The following CNTNAP3 variants were observed in gnomAD, a reference collection of about 807,000 sequenced individuals.
CNTNAP3 encodes contactin associated protein family member 3.
In CNTNAP3, 36 loss-of-function variants were observed where a neutral mutation model predicts 92.1. That is an observed-to-expected ratio of 0.39 (90% CI 0.30 to 0.52). The LOEUF (loss-of-function observed/expected upper bound fraction) is 0.52, where lower values mean the gene tolerates loss of function less well. Among genes scored for constraint, CNTNAP3 ranks in the 20% least tolerant of loss-of-function variants. The pLI is 0.76. For missense variants in CNTNAP3, 534 were observed against 1,069.6 expected (o/e 0.50, Z 6.98); for synonymous variants, 232 against 422.3 (o/e 0.55, Z 5.53).
chr9:39,079,464 T>C (rs1253464999), intron 21 of CNTNAP3, among the ~76,000 whole-genome samples: 1 of 151,552 alleles, frequency 6.6e-6, no homozygotes, highest in Admixed American at 6.6e-5. Context: ...CAATCTTAAA[T>C]TCAATCTTAT....
intron 18 of CNTNAP3, among the ~76,000 whole-genome samples, chr9:39,098,587 C>T (rs1826379437): frequency 6.6e-6 from 1 of 152,130 alleles, no homozygotes; most frequent in Admixed American, 6.5e-5. Flanking sequence ...ATTTAGAAAT[C>T]AGCACTTGTG....
At chr9:39,179,348 C>T (rs1053448815) in intron 4 of CNTNAP3, among the ~76,000 whole-genome samples, 2 of 120,402 alleles carry the variant, frequency 1.7e-5, no homozygotes, top group Non-Finnish European at 3.4e-5. Context: ...CACAGGCACA[C>T]AGACATCCTA....
At chr9:39,108,845 A>ATT (rs1826670358) in intron 15 of CNTNAP3, among the ~76,000 whole-genome samples, 2 of 152,360 alleles carry the variant, frequency 1.3e-5, no homozygotes, top group African/African-American at 4.8e-5. Flanking sequence ...CAATGAATAA[A>ATT]TATCCCTTAG....
rs1335307238 is a variant in CNTNAP3 at position 39,069,648 on chromosome 9, C to A, written c.*4242G>T. ...GTAGTGCTTCAGTACATTTTCCCGA[C>A]GATATGATTAATCCATAATAAATTC... On this transcript the variant is annotated 3_prime_UTR_variant, in exon 24 of 24. Transcript: ENST00000297668. Among the ~76,000 whole-genome samples the A allele has an allele frequency of 6.6e-6, 1 of 152,358 alleles. No individual in the cohort carries two copies. Among genetic ancestry groups the A allele is most frequent in the Non-Finnish European group, 1.5e-5 (1 of 67,998 alleles).
chr9:39,081,085 T>G (rs1021114087), intron 21 of CNTNAP3, among the ~76,000 whole-genome samples: 3 of 151,708 alleles, frequency 2.0e-5, no homozygotes, highest in African/African-American at 7.3e-5. Flanking sequence ...TCACCATATA[T>G]ACTTTGTTTA....
rs1228945725 is a variant in CNTNAP3 at position 39,068,489 on chromosome 9, T to A, written c.*5401A>T. Among the ~76,000 whole-genome samples the A allele has an allele frequency of 2.1e-4, 32 of 152,244 alleles. No homozygotes were observed. The highest frequency in any genetic ancestry group is 1.6e-4 in the Non-Finnish European group (11 of 68,046). ...TAGAGAGGTGACTAGAAAAGATGTT[T>A]AAAAAGATTCCTTGAGGTCAATAAT... is the stretch of plus-strand genomic sequence containing the variant. On this transcript the variant is annotated 3_prime_UTR_variant, in exon 24 of 24. Transcript: ENST00000297668.
intron 14 of CNTNAP3, among the ~76,000 whole-genome samples, chr9:39,111,147 T>G (rs1324874117): frequency 2.0e-5 from 3 of 152,194 alleles, no homozygotes; most frequent in African/African-American, 7.2e-5. Flanking sequence ...AACTGGGATA[T>G]CCATCACTTT....
rs1435374326 is a variant in CNTNAP3, at chr9:39,078,827, A to AG, written c.3535dup (p.Leu1179ProfsTer54). 2.6e-6 allele frequency: 4 copies of AG among 1,532,778 alleles called. No individual in the cohort carries two copies. The highest frequency in any genetic ancestry group is 3.5e-6 in the Non-Finnish European group (4 of 1,146,154). The allele number at this position is 1,532,778 out of a possible 1,614,324, so 94.9% of individuals were successfully genotyped here. A position where few individuals can be genotyped will look rare whatever the true frequency, so the allele number is the denominator to read the frequency against. ...GCCGCTGGGGCGCAGCGCCGCCTTC[A>AG]GGGGAGCAGCGCGGCCGAAGCGCAC... On this transcript the variant is annotated frameshift_variant, in exon 22 of 24. Coordinates refer to ENST00000297668, the MANE Select transcript of CNTNAP3 (RefSeq NM_033655.5). LOFTEE classifies it high-confidence loss of function.
intron 10 of CNTNAP3, among the ~76,000 whole-genome samples, chr9:39,149,343 A>AGTTTTT (rs1000835334): frequency 1.3e-5 from 2 of 150,460 alleles, no homozygotes; most frequent in African/African-American, 2.5e-5. Flanking sequence ...TTAGAGATGC[A>AGTTTTT]GTTTTTGTTT....
chr9:39,071,008 AG>A lies in CNTNAP3; in HGVS notation c.*2881del. Among the ~76,000 whole-genome samples the A allele has an allele frequency of 6.6e-6, 1 of 152,368 alleles. No individual in the cohort carries two copies. The highest frequency in any genetic ancestry group is 1.5e-5 in the Non-Finnish European group (1 of 68,012). On this transcript the variant is annotated 3_prime_UTR_variant, in exon 24 of 24. Coordinates refer to ENST00000297668, the MANE Select transcript of CNTNAP3 (RefSeq NM_033655.5). Reference sequence around the variant, plus strand: ...GAAGTTAAGAGAGAGAAGTGCCAGGAGTTCAGTCCACGCATGACAACTTACT... The same window carrying A: ...GAAGTTAAGAGAGAGAAGTGCCAGGATTCAGTCCACGCATGACAACTTACT...
intron 11 of CNTNAP3, among the ~76,000 whole-genome samples, chr9:39,142,876 T>C (rs1348327239): frequency 6.6e-6 from 1 of 152,006 alleles, no homozygotes; most frequent in African/African-American, 2.4e-5. Flanking sequence ...ACAGCCTGCC[T>C]TTCTCCTGTG....
chr9:39,120,151 T>C (rs867091517), intron 13 of CNTNAP3, among the ~76,000 whole-genome samples: 29 of 152,120 alleles, frequency 1.9e-4, no homozygotes, highest in Middle Eastern at 6.3e-3. Flanking sequence ...CCAAGATCCA[T>C]CATAATTGAA....
chr9:39,100,181 GTTCCTTGGTATT>G lies in CNTNAP3; in HGVS notation c.2756-43_2756-32del, dbSNP rs770571034. ...ACGGAAACACTGCAAATAGAAATGTGTTCCTTGGTATTTTATTCAGGATTTTATGTCCATGTC... is the reference window on the plus strand; with the variant it reads ...ACGGAAACACTGCAAATAGAAATGTGTTATTCAGGATTTTATGTCCATGTC... On this transcript the variant is annotated intron_variant, in intron 17 of 23. Coordinates refer to ENST00000297668, the MANE Select transcript of CNTNAP3 (RefSeq NM_033655.5). 2.5e-5 allele frequency: 38 copies of G among 1,508,160 alleles called. 1 individual carries two copies. The highest frequency in any genetic ancestry group is 3.2e-5 in the Non-Finnish European group (36 of 1,117,256). The allele number at this position is 1,508,160 out of a possible 1,614,324, so 93.4% of individuals were successfully genotyped here. A position where few individuals can be genotyped will look rare whatever the true frequency, so the allele number is the denominator to read the frequency against.
At chr9:39,139,710 A>T (rs1195672273) in intron 12 of CNTNAP3, 1 of 151,922 alleles carries the variant, frequency 6.6e-6, no homozygotes, top group Admixed American at 6.6e-5. Flanking sequence ...ATTCTAGTGC[A>T]ATCTTCTATA....
In CNTNAP3 at chr9:39,073,362, G is replaced by C; in HGVS notation, c.*528C>G. 1 of 294,100 alleles carries C rather than the reference G, an allele frequency of 3.4e-6. No individual in the cohort carries two copies. Among genetic ancestry groups the C allele is most frequent in the Non-Finnish European group, 6.5e-6 (1 of 154,150 alleles). The allele number at this position is 294,100 out of a possible 1,614,324, so 18.2% of individuals were successfully genotyped here. ...CAGGACTATGGAAATGCCAGTGAAGGTAGTCCAAGAAGCATTTCTTGTTTT... is the reference window on the plus strand; with the variant it reads ...CAGGACTATGGAAATGCCAGTGAAGCTAGTCCAAGAAGCATTTCTTGTTTT... On this transcript the variant is annotated 3_prime_UTR_variant, in exon 24 of 24. Transcript: ENST00000297668.
At chr9:39,084,545 C>T (rs1435147422) in intron 21 of CNTNAP3, among the ~76,000 whole-genome samples, 1 of 152,088 alleles carries the variant, frequency 6.6e-6, no homozygotes, top group Non-Finnish European at 1.5e-5. Context: ...TACAGGGACT[C>T]AAGAGAAATA....
At chr9:39,133,222 T>C in intron 12 of CNTNAP3, 87 bp from the exon 13 acceptor site, 1 of 1,442,192 alleles carries the variant, frequency 6.9e-7, no homozygotes, top group Non-Finnish European at 9.4e-7. Context: ...TTATGTGAAT[T>C]AACGTTTAAT....
intron 23 of CNTNAP3, among the ~76,000 whole-genome samples, chr9:39,074,838 G>A (rs138730812): frequency 0.094 from 14,328 of 151,682 alleles, 981 homozygotes; most frequent in African/African-American, 0.27. Context: ...GCGCGATCTC[G>A]GCTCACTGCA....
Position 39,069,372 on chromosome 9 carries a change from G to A in CNTNAP3, c.*4518C>T, listed in dbSNP as rs1476771335. ...ACAAAGTGCTCATGCAGTCACAGAG[G>A]TTCTATTTTAAGGGCTTTCTTAAAT... On this transcript the variant is annotated 3_prime_UTR_variant, in exon 24 of 24. Transcript: ENST00000297668. Among the ~76,000 whole-genome samples, 1 of 151,552 alleles carries A rather than the reference G, an allele frequency of 6.6e-6. No individual in the cohort carries two copies. The highest frequency in any genetic ancestry group is 6.6e-5 in the Admixed American group (1 of 15,240).
Sources: gnomAD v4.1 joint callset for allele counts (sites outside exome capture counted in the v4.1 genomes callset) on GRCh38, gnomAD v4.1.1 for gene constraint, MANE v1.5 for transcripts, NCBI Gene and HGNC (gene_info 2026-07-23, HGNC 2026-07-21) for gene names.